Variants in NOMO2 observed in about 807,000 individuals in gnomAD.
NOMO2 encodes the protein NODAL modulator 2.
In NOMO2, 14 loss-of-function variants were observed where a neutral mutation model predicts 67.1. The ratio of observed to expected loss-of-function variants is 0.21; its 90% confidence interval spans 0.14 to 0.33. The LOEUF is 0.33. Among genes scored for constraint, NOMO2 ranks in the 10% least tolerant of loss-of-function variants. The probability of loss-of-function intolerance (pLI) is 1.00; values close to 1 mark genes in which losing one functional copy is unlikely to be tolerated. For synonymous variants in NOMO2, 80 were observed against 305.9 expected (o/e 0.26, Z 7.71); for missense variants, 178 against 761.0 (o/e 0.23, Z 9.01).
In NOMO2 at chr16:18,533,048, C is replaced by T. The variant is rs1284508837; in HGVS notation, c.1352G>A (p.Gly451Glu). The T allele has an allele frequency of 6.2e-7, 1 of 1,608,990 alleles. No individual in the cohort carries two copies. Among genetic ancestry groups the T allele is most frequent in the African/African-American group, 1.3e-5 (1 of 74,438 alleles). ...TGGTTTTGCTTTAAAACAAAATGAT[C>T]CATGAGCATCTGTCTCCACGGTGAC... The part of the protein sequence containing the change: ...SLVTVETDAH[G>E]SFCFKAKPGT... Residue 451 changes from glycine (G) to glutamate (E), a missense_variant, in exon 12 of 31, where the codon GGA becomes GAA. By Grantham distance (98) the Gly-to-Glu change is moderately conservative (BLOSUM62 -2). Coordinates refer to ENST00000622306, the MANE Select transcript of NOMO2 (RefSeq NM_173614.4).
chr16:18,562,004 C>T lies in NOMO2; in HGVS notation c.37G>A (p.Ala13Thr). 7 of 1,551,520 alleles carry T rather than the reference C, an allele frequency of 4.5e-6. 1 individual carries two copies. The highest frequency in any genetic ancestry group is 6.1e-6 in the Non-Finnish European group (7 of 1,149,860). The change falls in exon 1 of 31, where the codon GCG (alanine) becomes ACG (threonine). Residue 13 changes from alanine to threonine, a missense_variant. Transcript: ENST00000622306. ...VGQGAGLLGPAVVTAAVVLLL... is the reference protein window; with the variant it reads ...VGQGAGLLGPTVVTAAVVLLL... ...AGCACCACCGCGGCGGTGACCACCG[C>T]GGGCCCCAGCAGCCCCGCGCCCTGG...
At chr16:18,536,156 G>A (rs1462960478) in intron 11 of NOMO2, among the ~76,000 whole-genome samples, 1 of 152,072 alleles carries the variant, frequency 6.6e-6, no homozygotes, top group Non-Finnish European at 1.5e-5. Flanking sequence ...CAATCCCAAA[G>A]CAAGGCTACA....
intron 5 of NOMO2, among the ~76,000 whole-genome samples, chr16:18,548,721 A>G (rs1279432688): frequency 1.3e-5 from 2 of 151,796 alleles, no homozygotes; most frequent in Non-Finnish European, 2.9e-5. Context: ...TGAAGTAATA[A>G]TATTAATTTC....
chr16:18,561,180 A>AC (rs1321893264), intron 1 of NOMO2, among the ~76,000 whole-genome samples: 25 of 120,384 alleles, frequency 2.1e-4, no homozygotes, highest in South Asian at 1.2e-3. Flanking sequence ...AATTAAAAAA[A>AC]AAAAAAAAAA....
At chr16:18,534,397 CAA>C (rs1901373973) in intron 11 of NOMO2, among the ~76,000 whole-genome samples, 1 of 145,642 alleles carries the variant, frequency 6.9e-6, no homozygotes, top group African/African-American at 2.5e-5. Context: ...ACATGAAATG[CAA>C]ACTGTGGTGT....
intron 15 of NOMO2, chr16:18,528,011 A>C: frequency 2.1e-6 from 1 of 487,652 alleles, no homozygotes; most frequent in Non-Finnish European, 4.1e-6. Flanking sequence ...AACAATCCCC[A>C]CCTAGGGGTC....
At chr16:18,520,485 A>C (rs1325003780) in intron 20 of NOMO2, 112 bp downstream of exon 20, 2 of 658,736 alleles carry the variant, frequency 3.0e-6, no homozygotes, top group African/African-American at 3.7e-5. Context: ...AGAGGATGTA[A>C]GGTGGCTTAC....
intron 3 of NOMO2, among the ~76,000 whole-genome samples, chr16:18,552,820 C>T: frequency 6.6e-6 from 1 of 152,128 alleles, no homozygotes; most frequent in Admixed American, 6.5e-5. Flanking sequence ...GGCTCAGCGA[C>T]TTTACTCCTG....
At chr16:18,538,487 A>G in intron 11 of NOMO2, 39 bp downstream of exon 11, 1 of 1,612,076 alleles carries the variant, frequency 6.2e-7, no homozygotes, top group South Asian at 1.1e-5. Flanking sequence ...GGCTGCCAGC[A>G]TATTTACTGG....
intron 2 of NOMO2, 60 bp downstream of exon 2, chr16:18,557,642 G>A: frequency 6.2e-7 from 1 of 1,611,404 alleles, no homozygotes; most frequent in South Asian, 1.1e-5. Context: ...CATGGTTAAT[G>A]CAGCCTGGTG....
chr16:18,520,374 C>T (rs1262000416), intron 20 of NOMO2, among the ~76,000 whole-genome samples: 7 of 139,300 alleles, frequency 5.0e-5, no homozygotes, highest in East Asian at 4.1e-4. Flanking sequence ...ATTCATTCAT[C>T]CATCCATCCA....
At chr16:18,558,083 G>A (rs1258869729) in intron 1 of NOMO2, among the ~76,000 whole-genome samples, 4 of 150,042 alleles carry the variant, frequency 2.7e-5, no homozygotes, top group East Asian at 2.0e-4. Context: ...GTAAGTTTCC[G>A]GGTCTAAAAC....
At chr16:18,553,306 A>T (rs1423770515) in intron 3 of NOMO2, among the ~76,000 whole-genome samples, 1 of 151,064 alleles carries the variant, frequency 6.6e-6, no homozygotes, top group African/African-American at 2.4e-5. Flanking sequence ...TATTTTATAA[A>T]ATATAAATAA....
Position 18,531,297 on chromosome 16 carries a change from G to A in NOMO2, c.1538-129C>T, listed in dbSNP as rs1248158666. The A allele has an allele frequency of 8.2e-5, 84 of 1,023,404 alleles. 2 individuals are homozygous for A. The South Asian group carries it at 8.9e-4, about 11-fold the overall frequency. 63.4% of individuals were successfully genotyped at this position (1,023,404 alleles called of 1,614,324 possible). A position where few individuals can be genotyped will look rare whatever the true frequency, so the allele number is the denominator to read the frequency against. On this transcript the variant is annotated intron_variant, in intron 13 of 30. Transcript: ENST00000622306. Reference sequence around the variant, plus strand: ...TAAGAGGCAGTGGCCGGAGGCAGACGGAGTGCTTCTTTCAAGCTAACATGC... The same window carrying A: ...TAAGAGGCAGTGGCCGGAGGCAGACAGAGTGCTTCTTTCAAGCTAACATGC...
rs1166700127 is a variant in NOMO2 at position 18,529,542 on chromosome 16, C to A, written c.1765G>T (p.Gly589Cys). The change falls in exon 15 of 31, where the codon GGC (glycine) becomes TGC (cysteine). Residue 589 changes from glycine (G) to cysteine (C), a missense_variant. Coordinates refer to ENST00000622306, the MANE Select transcript of NOMO2 (RefSeq NM_173614.4). The part of the protein sequence containing the change: ...DVSAVEFRQT[G>C]YMLRCSLSHA... Reference sequence around the variant, plus strand: ...GACAGGGAACATCTCAGCATGTAGCCCGTCTGCCTGAACTCAACTGCAGAC... The same window carrying A: ...GACAGGGAACATCTCAGCATGTAGCACGTCTGCCTGAACTCAACTGCAGAC... 4.3e-6 allele frequency: 7 copies of A among 1,610,252 alleles called. No homozygotes were observed. The highest frequency in any genetic ancestry group is 5.1e-6 in the Non-Finnish European group (6 of 1,179,290).
chr16:18,520,166 C>T (rs1482905324), intron 20 of NOMO2, among the ~76,000 whole-genome samples: 1 of 36,550 alleles, frequency 2.7e-5, no homozygotes, highest in Non-Finnish European at 5.9e-5. Context: ...GTGATCACTT[C>T]AGTCATCCAT....
intron 2 of NOMO2, among the ~76,000 whole-genome samples, chr16:18,555,152 TATTA>T (rs1307313111): frequency 2.6e-4 from 38 of 147,120 alleles, no homozygotes; most frequent in Non-Finnish European, 5.4e-4. Flanking sequence ...ACTATAATTC[TATTA>T]ATTGAGTCTC....
chr16:18,553,405 A>C (rs549609663), intron 3 of NOMO2, among the ~76,000 whole-genome samples: 11 of 152,004 alleles, frequency 7.2e-5, no homozygotes, highest in African/African-American at 2.7e-4. Flanking sequence ...TGTTGAGTGA[A>C]AGAAACTGGA....
At chr16:18,535,399 A>G (rs892891714) in intron 11 of NOMO2, among the ~76,000 whole-genome samples, 1 of 150,286 alleles carries the variant, frequency 6.7e-6, no homozygotes, top group African/African-American at 2.4e-5. Context: ...CAATAAAAAA[A>G]AGAGATTTTC....
Sources: allele counts gnomAD v4.1 joint callset (sites outside exome capture counted in the v4.1 genomes callset), GRCh38; gene constraint gnomAD v4.1.1; transcripts MANE v1.5; gene names NCBI Gene and HGNC (gene_info 2026-07-23, HGNC 2026-07-21).